The following SULF1 variants were observed in gnomAD, a reference collection of about 807,000 sequenced individuals.
SULF1 encodes sulfatase 1, also known as extracellular sulfatase Sulf-1.
SULF1 carries 46 observed loss-of-function variants against 110.5 expected under a neutral mutation model. The observed-to-expected ratio is 0.42, with a 90% CI of 0.33 to 0.53. The LOEUF is 0.53. Among genes scored for constraint, SULF1 ranks in the 20% least tolerant of loss-of-function variants. The pLI, the probability that SULF1 is intolerant of heterozygous loss-of-function variation, is 0.12. For missense variants in SULF1, 941 were observed against 1,094.2 expected, an observed-to-expected ratio of 0.86 and a Z score of 1.98; for synonymous variants, 371 against 387.1, an observed-to-expected ratio of 0.96 and a Z score of 0.49.
At chr8:69,502,254 T>C (rs894385235) in intron 3 of SULF1, among the ~76,000 whole-genome samples, 2 of 152,212 alleles carry the variant, frequency 1.3e-5, no homozygotes, top group African/African-American at 4.8e-5. Context: ...TGACATATTA[T>C]GAGCTGCTCA....
At chr8:69,642,716 G>A (rs1371627678) in intron 22 of SULF1, among the ~76,000 whole-genome samples, 1 of 152,218 alleles carries the variant, frequency 6.6e-6, no homozygotes, top group Admixed American at 6.5e-5. Flanking sequence ...TGTCATGAAA[G>A]AGATAAAAGG....
intron 14 of SULF1, among the ~76,000 whole-genome samples, chr8:69,621,952 T>C (rs557562749): frequency 6.6e-6 from 1 of 152,256 alleles, no homozygotes; most frequent in Non-Finnish European, 1.5e-5. Context: ...TTTCTTTCTA[T>C]ACTGGTTTGG....
intron 3 of SULF1, among the ~76,000 whole-genome samples, chr8:69,531,313 A>G (rs1256222506): frequency 1.3e-5 from 2 of 152,194 alleles, no homozygotes; most frequent in Admixed American, 6.5e-5. Flanking sequence ...TTTCAAATAC[A>G]TTGTTATCTC....
rs1296054452 is a variant in SULF1, at chr8:69,588,998, C to T, written c.591C>T (p.Asn197=). 7.4e-6 allele frequency: 12 copies of T among 1,613,792 alleles called. No individual in the cohort carries two copies. The highest frequency in any genetic ancestry group is 2.2e-5 in the East Asian group (1 of 44,888). The change falls in exon 8 of 23, where the codon AAC becomes AAT. Residue 197 remains asparagine, a synonymous_variant. Transcript: ENST00000402687. ...ACTACTTCACAGACTTAATCACTAACGAGAGCATTAATTACTTCAAAATGT... is the reference window on the plus strand; with the variant it reads ...ACTACTTCACAGACTTAATCACTAATGAGAGCATTAATTACTTCAAAATGT... The part of the protein sequence containing the change: ...AKDYFTDLIT[N]ESINYFKMSK...
At chr8:69,655,128 G>A (rs1051268433) in intron 22 of SULF1, among the ~76,000 whole-genome samples, 2 of 152,170 alleles carry the variant, frequency 1.3e-5, no homozygotes, top group African/African-American at 2.4e-5. Flanking sequence ...CTATCCCGTC[G>A]GGGCTACTGG....
chr8:69,611,153 G>A (rs74956712), intron 13 of SULF1, among the ~76,000 whole-genome samples: 2,230 of 152,334 alleles, frequency 0.015, 21 homozygotes, highest in Non-Finnish European at 0.022. Flanking sequence ...TGTAAAATGG[G>A]CATCATATAG....
At chr8:69,656,080 T>C (rs948804112) in intron 22 of SULF1, among the ~76,000 whole-genome samples, 1 of 151,862 alleles carries the variant, frequency 6.6e-6, no homozygotes, top group African/African-American at 2.4e-5. Context: ...TGTTCCTTTA[T>C]AGCCTTGATA....
intron 13 of SULF1, among the ~76,000 whole-genome samples, chr8:69,617,373 C>CTA (rs56381958): frequency 1.8e-4 from 9 of 48,916 alleles, no homozygotes; most frequent in Admixed American, 3.3e-4. Context: ...GCATGCTTAG[C>CTA]TATATATATA....
intron 2 of SULF1, among the ~76,000 whole-genome samples, chr8:69,501,644 T>C (rs1193941007): frequency 1.3e-5 from 2 of 152,192 alleles, no homozygotes; most frequent in Non-Finnish European, 2.9e-5. Flanking sequence ...GAAAGTCTTT[T>C]CCTTGTTGGA....
rs780395541 is a variant in SULF1, at chr8:69,638,655, A to G, written c.2427+11A>G. On this transcript the variant is annotated intron_variant, in intron 20 of 22. Transcript: ENST00000402687. ...ACAGATCCTTATCAGGTAAGACAAT[A>G]TATGTTCATTTTATGAAGGTTGTTG... 5 of 1,612,230 alleles carry G rather than the reference A, an allele frequency of 3.1e-6. No homozygotes were observed. Among genetic ancestry groups the G allele is most frequent in the Non-Finnish European group, 4.2e-6 (5 of 1,179,382 alleles).
At chr8:69,625,726 G>A (rs948754683) in intron 15 of SULF1, among the ~76,000 whole-genome samples, 2 of 152,210 alleles carry the variant, frequency 1.3e-5, no homozygotes, top group African/African-American at 2.4e-5. Context: ...CCCAAAGAGT[G>A]AGCAGTAGCA....
At chr8:69,497,789 T>C (rs988547052) in intron 2 of SULF1, among the ~76,000 whole-genome samples, 9 of 152,182 alleles carry the variant, frequency 5.9e-5, no homozygotes, top group African/African-American at 2.2e-4. Flanking sequence ...TTCAATCATC[T>C]AGTTGCTTTA....
chr8:69,526,161 G>A (rs1363023550), intron 3 of SULF1, among the ~76,000 whole-genome samples: 1 of 152,082 alleles, frequency 6.6e-6, no homozygotes, highest in East Asian at 1.9e-4. Context: ...AGGACACTTT[G>A]TACCATAGAA....
At chr8:69,606,896 G>A (rs1331418884) in intron 13 of SULF1, among the ~76,000 whole-genome samples, 3 of 152,142 alleles carry the variant, frequency 2.0e-5, no homozygotes, top group African/African-American at 7.2e-5. Flanking sequence ...TTTTAGAAAG[G>A]CCTGAATTCG....
intron 22 of SULF1, among the ~76,000 whole-genome samples, chr8:69,645,219 G>T (rs914146886): frequency 1.3e-5 from 2 of 152,124 alleles, no homozygotes; most frequent in African/African-American, 4.8e-5. Flanking sequence ...CCCTGGTAAG[G>T]TTAAGGTCAG....
rs761541807 is a variant in SULF1, at chr8:69,601,668, C to G, written c.900C>G (p.Leu300=). 3.1e-6 allele frequency: 5 copies of G among 1,610,082 alleles called. No homozygotes were observed. In the East Asian group the frequency reaches 1.1e-4, roughly 36 times the overall value. ...CTGTATTTCAGCTGTATAACATGCT[C>G]GTGGAGACGGGGGAGCTGGAGAATA... The part of the protein sequence containing the change: ...DDSVERLYNM[L]VETGELENTY... Residue 300 remains leucine, a synonymous_variant, in exon 10 of 23, where the codon CTC becomes CTG. Coordinates refer to ENST00000402687, the MANE Select transcript of SULF1 (RefSeq NM_001128205.2).
At chr8:69,499,310 C>T (rs149618415) in intron 2 of SULF1, among the ~76,000 whole-genome samples, 45 of 152,218 alleles carry the variant, frequency 3.0e-4, no homozygotes, top group African/African-American at 7.5e-4. Flanking sequence ...TAAGGATAAA[C>T]GAAACCCATA....
At chr8:69,517,356 G>C (rs1339646683) in intron 3 of SULF1, among the ~76,000 whole-genome samples, 1 of 152,130 alleles carries the variant, frequency 6.6e-6, no homozygotes, top group African/African-American at 2.4e-5. Flanking sequence ...AAATTTCAAC[G>C]TGAGTTTTGA....
intron 13 of SULF1, among the ~76,000 whole-genome samples, chr8:69,619,082 G>T (rs1371557947): frequency 6.6e-6 from 1 of 151,954 alleles, no homozygotes; most frequent in Non-Finnish European, 1.5e-5. Context: ...TTATTTATTT[G>T]AATATATTTG....
Sources: allele counts gnomAD v4.1 joint callset (sites outside exome capture counted in the v4.1 genomes callset), GRCh38; gene constraint gnomAD v4.1.1; transcripts MANE v1.5; gene names NCBI Gene and HGNC (gene_info 2026-07-23, HGNC 2026-07-21).